The following EIF4G3 variants were observed in gnomAD, a reference collection of about 807,000 sequenced individuals.
EIF4G3 encodes the protein eukaryotic translation initiation factor 4 gamma 3, also known as eIF-4-gamma 3.
A neutral mutation model predicts 186.4 loss-of-function variants in EIF4G3; 34 were observed. That is an observed-to-expected ratio of 0.18 (90% CI 0.14 to 0.24). EIF4G3 has a LOEUF of 0.24. Among genes scored for constraint, EIF4G3 ranks in the 10% least tolerant of loss-of-function variants. The pLI, the probability that EIF4G3 is intolerant of heterozygous loss-of-function variation, is 1.00. For synonymous variants in EIF4G3, 673 were observed against 679.5 expected, an observed-to-expected ratio of 0.99 and a Z score of 0.15; for missense variants, 1,536 against 1,948.5, an observed-to-expected ratio of 0.79 and a Z score of 3.99.
intron 2 of EIF4G3, among the ~76,000 whole-genome samples, chr1:21,115,197 T>C (rs1558031367): frequency 6.6e-6 from 1 of 152,200 alleles, no homozygotes; most frequent in Non-Finnish European, 1.5e-5. Context: ...CTTAATCATT[T>C]CTAGCTATTG....
chr1:21,028,155 T>C (rs2092368564), intron 4 of EIF4G3, among the ~76,000 whole-genome samples: 1 of 152,202 alleles, frequency 6.6e-6, no homozygotes, highest in Non-Finnish European at 1.5e-5. Context: ...AGTTATTGTT[T>C]AATGGGTATA....
intron 35 of EIF4G3, among the ~76,000 whole-genome samples, chr1:20,811,984 T>TA (rs1480821080): frequency 6.6e-6 from 1 of 152,166 alleles, no homozygotes; most frequent in African/African-American, 2.4e-5. Flanking sequence ...CAGTGGCAGA[T>TA]AACATACCTA....
chr1:20,889,701 A>C (rs2085365391), intron 18 of EIF4G3, among the ~76,000 whole-genome samples: 2 of 152,138 alleles, frequency 1.3e-5, no homozygotes, highest in Non-Finnish European at 2.9e-5. Context: ...CGTGTTAGCC[A>C]GGATGGTCTT....
intron 2 of EIF4G3, among the ~76,000 whole-genome samples, chr1:21,146,151 G>A (rs2097436721): frequency 6.6e-6 from 1 of 152,034 alleles, no homozygotes; most frequent in Admixed American, 6.6e-5. Flanking sequence ...CCCAGGAATC[G>A]CAGACCAGTC....
chr1:21,129,957 G>C (rs1304600079), intron 2 of EIF4G3, among the ~76,000 whole-genome samples: 1 of 152,128 alleles, frequency 6.6e-6, no homozygotes, highest in African/African-American at 2.4e-5. Context: ...GCTGAGATGA[G>C]GGTGGATCAG....
chr1:20,891,717 G>A (rs2086144019), intron 18 of EIF4G3, among the ~76,000 whole-genome samples: 1 of 151,646 alleles, frequency 6.6e-6, no homozygotes, highest in African/African-American at 2.4e-5. Context: ...AACCTAGGAG[G>A]TGGCAGGGCT....
chr1:21,123,178 T>C (rs1020677782), intron 2 of EIF4G3, among the ~76,000 whole-genome samples: 2 of 152,052 alleles, frequency 1.3e-5, no homozygotes, highest in African/African-American at 2.4e-5. Flanking sequence ...CCACAATGAC[T>C]CTGAGACAGT....
At chr1:21,126,585 G>A (rs34087664) in intron 2 of EIF4G3, among the ~76,000 whole-genome samples, 1 of 151,790 alleles carries the variant, frequency 6.6e-6, no homozygotes, top group Non-Finnish European at 1.5e-5. Flanking sequence ...GATCCCAGGA[G>A]TTTCAGGTTA....
At chr1:20,815,594 C>T (rs1450717483) in intron 34 of EIF4G3, among the ~76,000 whole-genome samples, 2 of 152,058 alleles carry the variant, frequency 1.3e-5, no homozygotes, top group East Asian at 1.9e-4. Flanking sequence ...GCAGCCACCC[C>T]GTCTGGGAAG....
intron 22 of EIF4G3, among the ~76,000 whole-genome samples, chr1:20,864,152 C>T (rs1368924788): frequency 6.6e-6 from 1 of 152,138 alleles, no homozygotes; most frequent in Non-Finnish European, 1.5e-5. Context: ...TTCATTTCTG[C>T]ACTACCCTTA....
At chr1:20,942,689 G>A (rs527645259) in intron 13 of EIF4G3, among the ~76,000 whole-genome samples, 149 of 152,012 alleles carry the variant, frequency 9.8e-4, no homozygotes, top group Middle Eastern at 3.4e-3. Context: ...ACCACTTCTC[G>A]TTCCCTAAAA....
chr1:20,812,687 TTG>T (rs1378070583), intron 35 of EIF4G3, among the ~76,000 whole-genome samples: 2 of 152,222 alleles, frequency 1.3e-5, no homozygotes, highest in Non-Finnish European at 2.9e-5. Flanking sequence ...GCCAATAAAA[TTG>T]TCTTATCATA....
chr1:21,053,665 A>C (rs2094411641), intron 3 of EIF4G3, among the ~76,000 whole-genome samples: 1 of 126,246 alleles, frequency 7.9e-6, no homozygotes, highest in African/African-American at 3.0e-5. Flanking sequence ...GGCCGCCCCT[A>C]CTGGGAAGTG....
intron 20 of EIF4G3, among the ~76,000 whole-genome samples, chr1:20,870,213 T>C (rs571836029): frequency 9.8e-5 from 15 of 152,290 alleles, no homozygotes; most frequent in Non-Finnish European, 1.9e-4. Flanking sequence ...GGGATTTAAC[T>C]GCCTCTCTTT....
intron 2 of EIF4G3, among the ~76,000 whole-genome samples, chr1:21,124,547 G>A (rs1242027199): frequency 6.6e-6 from 1 of 152,134 alleles, no homozygotes; most frequent in African/African-American, 2.4e-5. Context: ...ACTGACTTCT[G>A]GGAATAGTCA....
At chr1:20,982,785 C>T (rs1476371174) in intron 7 of EIF4G3, among the ~76,000 whole-genome samples, 1 of 152,156 alleles carries the variant, frequency 6.6e-6, no homozygotes, top group Non-Finnish European at 1.5e-5. Context: ...CATTGTCTAG[C>T]ATCTCTGTGA....
chr1:21,165,987 T>C (rs983985278), intron 2 of EIF4G3, among the ~76,000 whole-genome samples: 1 of 151,026 alleles, frequency 6.6e-6, no homozygotes, highest in Non-Finnish European at 1.5e-5. Context: ...AGCACACAGA[T>C]CCAAATCCTT....
At chr1:21,151,622 G>A (rs891635648) in intron 2 of EIF4G3, among the ~76,000 whole-genome samples, 1 of 151,554 alleles carries the variant, frequency 6.6e-6, no homozygotes, top group African/African-American at 2.4e-5. Flanking sequence ...TGTTTCAAAA[G>A]GTTTACTCAT....
At chr1:20,916,048 T>C (rs2093826738) in intron 14 of EIF4G3, among the ~76,000 whole-genome samples, 1 of 152,194 alleles carries the variant, frequency 6.6e-6, no homozygotes, top group Non-Finnish European at 1.5e-5. Context: ...CTATTATATA[T>C]TGTATTTCCA....
Sources: gnomAD v4.1 joint callset for allele counts (sites outside exome capture counted in the v4.1 genomes callset) on GRCh38, gnomAD v4.1.1 for gene constraint, MANE v1.5 for transcripts, NCBI Gene and HGNC (gene_info 2026-07-23, HGNC 2026-07-21) for gene names.